RGS3: variants seen among roughly 807,000 people sequenced by gnomAD.
RGS3 encodes the protein regulator of G protein signaling 3.
In RGS3, 80 loss-of-function variants were observed where a neutral mutation model predicts 132.6. The ratio of observed to expected loss-of-function variants is 0.60; its 90% CI spans 0.50 to 0.73. RGS3 has a LOEUF of 0.73. Ranked by LOEUF, RGS3 falls within the 30% of genes least tolerant of loss-of-function variation. The pLI, the probability that RGS3 is intolerant of heterozygous loss-of-function variation, is 0.00. For missense variants in RGS3, 1,382 were observed against 1,530.8 expected (o/e 0.90, Z 1.62); for synonymous variants, 598 against 620.6 (o/e 0.96, Z 0.54).
exon 20 of RGS3, chr9:113,583,809 C>T (rs528398254): frequency 2.5e-6 from 4 of 1,614,136 alleles, no homozygotes; most frequent in Admixed American, 1.7e-5. Flanking sequence ...TCACCAAAGA[C>T]CTCCCTGCCA....
chr9:113,463,637 A>C lies in RGS3; in HGVS notation c.415+1436A>C. 6 of 1,250,376 alleles carry C rather than the reference A, an allele frequency of 4.8e-6. No individual in the cohort carries two copies. The highest frequency in any genetic ancestry group is 6.1e-6 in the Non-Finnish European group (6 of 980,930). The allele number at this position is 1,250,376 out of a possible 1,614,324, so 77.5% of individuals were successfully genotyped here. On this transcript the variant is annotated intron_variant, in intron 3 of 24. Coordinates refer to ENST00000350696, the Ensembl canonical transcript of RGS3. The surrounding 1 kb of genome is among the most constrained non-coding windows in gnomAD (Gnocchi z 4.6). The stretch of plus-strand genomic sequence containing the variant: ...CCGGCAGGTGGAACTCTCCCCATTC[A>C]AACCCGCGCGGGCCAATCAGGGCCG...
chr9:113,468,271 C>T (rs1190793902), intron 3 of RGS3, among the ~76,000 whole-genome samples: 1 of 152,096 alleles, frequency 6.6e-6, no homozygotes, highest in Non-Finnish European at 1.5e-5. Flanking sequence ...TTTTTTGTGG[C>T]TATCCAGTTG....
chr9:113,510,135 T>C (rs992430260), intron 14 of RGS3, among the ~76,000 whole-genome samples: 3 of 152,208 alleles, frequency 2.0e-5, no homozygotes, highest in South Asian at 2.1e-4. Context: ...ATCATTCTTA[T>C]GCCTTTGCGT....
chr9:113,460,301 G>T, exon 1 of RGS3: 1 of 482,960 alleles, frequency 2.1e-6, no homozygotes, highest in Non-Finnish European at 3.3e-6. Flanking sequence ...TGGGCAGATC[G>T]CAAGGTCAGG....
rs1282175664 is a variant in RGS3 at position 113,591,511 on chromosome 9, A to G, written c.3080+114A>G. ...GAGGTTGTGCCTGGTCCCGCCCACAACCCCAGACAGACACCAAGGAAAAAC... is the reference window on the plus strand; with the variant it reads ...GAGGTTGTGCCTGGTCCCGCCCACAGCCCCAGACAGACACCAAGGAAAAAC... On this transcript the variant is annotated intron_variant, in intron 21 of 24. Transcript: ENST00000350696. The surrounding 1 kb of genome is among the most constrained non-coding windows in gnomAD (Gnocchi z 4.4). 5.5e-6 allele frequency: 5 copies of G among 903,104 alleles called. No individual in the cohort carries two copies. The Admixed American group carries it at 1.0e-4, about 18-fold the overall frequency. The allele number at this position is 903,104 out of a possible 1,614,324, so 55.9% of individuals were successfully genotyped here.
At chr9:113,467,083 G>T (rs974099658) in intron 3 of RGS3, among the ~76,000 whole-genome samples, 1 of 151,920 alleles carries the variant, frequency 6.6e-6, no homozygotes, top group African/African-American at 2.4e-5. Flanking sequence ...AGTATTCATT[G>T]TATGGCTATA....
intron 8 of RGS3, among the ~76,000 whole-genome samples, chr9:113,496,996 C>T (rs1830706106): frequency 6.6e-6 from 1 of 152,158 alleles, no homozygotes; most frequent in Admixed American, 6.5e-5. Flanking sequence ...AATATGGCTC[C>T]TACTGTATAC....
chr9:113,454,441 CT>C (rs1412318282), intron 1 of RGS3, among the ~76,000 whole-genome samples: 1 of 151,894 alleles, frequency 6.6e-6, no homozygotes, highest in African/African-American at 2.4e-5. Context: ...AACCCTGTCT[CT>C]ACTAAAAATA....
In RGS3 at chr9:113,565,306, A is replaced by G. The variant is rs1218595656; in HGVS notation, c.2038-18144A>G. On this transcript the variant is annotated intron_variant, in intron 19 of 24. Coordinates refer to ENST00000350696, the Ensembl canonical transcript of RGS3. This position sits in a 1 kb window ranked among gnomAD's most constrained non-coding sequence, Gnocchi z 5.7. ...TGAGAAACCACAGAGTTTTCTGTTT[A>G]ATGGAAGAAAGAAATCCAGCCTCTC... The G allele has an allele frequency of 2.3e-6, 3 of 1,289,608 alleles. No individual in the cohort carries two copies. In the Admixed American group the frequency reaches 6.9e-5, roughly 30 times the overall value. 79.9% of individuals were successfully genotyped at this position (1,289,608 alleles called of 1,614,324 possible). A position where few individuals can be genotyped will look rare whatever the true frequency, so the allele number is the denominator to read the frequency against.
intron 19 of RGS3, among the ~76,000 whole-genome samples, chr9:113,545,028 A>G (rs1024846809): frequency 3.9e-5 from 6 of 152,234 alleles, no homozygotes; most frequent in African/African-American, 1.4e-4. Flanking sequence ...ACAGGCTGAA[A>G]AGATCAATAG....
chr9:113,500,287 G>A, intron 10 of RGS3, among the ~76,000 whole-genome samples: 1 of 152,214 alleles, frequency 6.6e-6, no homozygotes, highest in East Asian at 1.9e-4. Context: ...CAGGTGGGGA[G>A]ATGGAGGCCC....
intron 3 of RGS3, among the ~76,000 whole-genome samples, chr9:113,464,105 A>G (rs1053332586): frequency 2.6e-5 from 4 of 152,228 alleles, no homozygotes; most frequent in Admixed American, 2.0e-4. Flanking sequence ...CATGAGTGCC[A>G]ACTGCGGTTG....
chr9:113,591,304 ACTGCATCGTGT>A lies in RGS3; in HGVS notation c.3016-25_3016-15del. 2 of 1,607,784 alleles carry A rather than the reference ACTGCATCGTGT, an allele frequency of 1.2e-6. No individual in the cohort carries two copies. The highest frequency in any genetic ancestry group is 1.7e-6 in the Non-Finnish European group (2 of 1,175,098). On this transcript the variant is annotated intron_variant, in intron 20 of 24. Coordinates refer to ENST00000350696, the Ensembl canonical transcript of RGS3. This position sits in a 1 kb window ranked among gnomAD's most constrained non-coding sequence, Gnocchi z 4.4. ...TAGGCAGGAGTTCCTGGGTGCCCAG[ACTGCATCGTGT>A]CTGTCTTCTCTCCGCAGATGAGCGG...
intron 7 of RGS3, among the ~76,000 whole-genome samples, chr9:113,494,883 C>G (rs564908565): frequency 5.4e-4 from 82 of 150,520 alleles, no homozygotes; most frequent in Non-Finnish European, 8.4e-4. Flanking sequence ...TCTTCTTCTT[C>G]TTTTTTTTTG....
chr9:113,491,609 G>A (rs908848237), intron 7 of RGS3, among the ~76,000 whole-genome samples: 9 of 151,626 alleles, frequency 5.9e-5, no homozygotes, highest in African/African-American at 2.2e-4. Context: ...GGCTGGAGTG[G>A]AATGGCGCGA....
intron 17 of RGS3, among the ~76,000 whole-genome samples, chr9:113,528,086 GGTT>G (rs2119435466): frequency 6.6e-6 from 1 of 152,304 alleles, no homozygotes; most frequent in South Asian, 2.1e-4. Flanking sequence ...GTCTTCCAGG[GGTT>G]GTTGTGAGGG....
chr9:113,485,287 C>T (rs552776315), intron 6 of RGS3, among the ~76,000 whole-genome samples: 72 of 152,214 alleles, frequency 4.7e-4, no homozygotes, highest in African/African-American at 1.7e-3. Context: ...GACGGGGTTT[C>T]ACCGTGTTAG....
At chr9:113,511,165 C>G (rs773720183) in intron 14 of RGS3, among the ~76,000 whole-genome samples, 3 of 152,188 alleles carry the variant, frequency 2.0e-5, no homozygotes, top group African/African-American at 4.8e-5. Context: ...TGGCATTGTC[C>G]CTGCCCTGTA....
intron 9 of RGS3, among the ~76,000 whole-genome samples, 155 bp downstream of exon 7, chr9:113,497,559 T>C (rs1407036977): frequency 1.3e-5 from 2 of 152,102 alleles, no homozygotes; most frequent in Non-Finnish European, 2.9e-5. Flanking sequence ...CTTGCTAGAG[T>C]GCAGGCTGCA....
Sources: allele counts gnomAD v4.1 joint callset (sites outside exome capture counted in the v4.1 genomes callset), GRCh38; gene constraint gnomAD v4.1.1; non-coding constraint Gnocchi (gnomAD v3.1); transcripts MANE v1.5; gene names NCBI Gene and HGNC (gene_info 2026-07-23, HGNC 2026-07-21).